The following SNTG1 variants were observed in gnomAD, a reference collection of about 807,000 sequenced individuals.
SNTG1 encodes the protein gamma-1-syntrophin.
A neutral mutation model predicts 74.7 loss-of-function variants in SNTG1; 39 were observed. The ratio of observed to expected loss-of-function variants is 0.52; its 90% CI spans 0.40 to 0.68. SNTG1 has a LOEUF of 0.68. Ranked by LOEUF, SNTG1 falls within the 30% of genes least tolerant of loss-of-function variation. The pLI is 0.00. For missense variants in SNTG1, 685 were observed against 609.5 expected (o/e 1.12, Z -1.30); for synonymous variants, 254 against 217.1 (o/e 1.17, Z -1.49).
chr8:50,249,435 C>A (rs1563797238), intron 2 of SNTG1, among the ~76,000 whole-genome samples: 1 of 152,236 alleles, frequency 6.6e-6, no homozygotes, highest in South Asian at 2.1e-4. Context: ...GGGGCAGCCC[C>A]TGGACTCACA....
intron 2 of SNTG1, among the ~76,000 whole-genome samples, chr8:50,198,557 G>A (rs2083866525): frequency 6.6e-6 from 1 of 152,190 alleles, no homozygotes; most frequent in Non-Finnish European, 1.5e-5. Context: ...TGTGACAGGT[G>A]ACAGACACTC....
chr8:49,918,300 G>A (rs538770377), intron 1 of SNTG1, among the ~76,000 whole-genome samples: 1 of 152,258 alleles, frequency 6.6e-6, no homozygotes, highest in Admixed American at 6.5e-5. Flanking sequence ...AATGAAGATA[G>A]GTCAATAATA....
intron 4 of SNTG1, among the ~76,000 whole-genome samples, chr8:50,413,149 C>T (rs775450994): frequency 1.8e-4 from 27 of 152,120 alleles, no homozygotes; most frequent in Non-Finnish European, 3.7e-4. Context: ...TCATTATTTA[C>T]ACAAATGAAT....
At position 50,427,587 on chromosome 8, in the gene SNTG1, A is replaced by C. The variant is rs556010466; in HGVS notation, c.163-10956A>C. 5.9e-5 allele frequency among the ~76,000 whole-genome samples: 9 copies of C among 152,126 alleles called. No individual in the cohort carries two copies. The East Asian group carries it at 7.7e-4, about 13-fold the overall frequency. On this transcript the variant is annotated intron_variant, in intron 4 of 18. Coordinates refer to ENST00000642720, the MANE Select transcript of SNTG1 (RefSeq NM_018967.5). Reference sequence around the variant, plus strand: ...CCTACAGGTGCATACCACCATGCTTAGCTAAGCTTTTTTATCTTTTGTAGA... The same window carrying C: ...CCTACAGGTGCATACCACCATGCTTCGCTAAGCTTTTTTATCTTTTGTAGA...
intron 9 of SNTG1, among the ~76,000 whole-genome samples, chr8:50,519,284 G>A (rs2094159703): frequency 6.6e-6 from 1 of 152,092 alleles, no homozygotes; most frequent in African/African-American, 2.4e-5. Context: ...CAATAAACTA[G>A]GTATTGATGG....
intron 1 of SNTG1, among the ~76,000 whole-genome samples, chr8:50,133,146 C>A (rs1327689142): frequency 1.3e-5 from 2 of 152,180 alleles, no homozygotes; most frequent in Non-Finnish European, 2.9e-5. Context: ...ATAACCTCAG[C>A]TAAATGTTCA....
At chr8:50,392,226 A>T (rs2092672004) in intron 2 of SNTG1, among the ~76,000 whole-genome samples, 1 of 152,226 alleles carries the variant, frequency 6.6e-6, no homozygotes, top group Admixed American at 6.5e-5. Flanking sequence ...AGAAAAAATT[A>T]CAACAATTGT....
At chr8:50,438,726 G>A (rs2093330212) in intron 5 of SNTG1, 127 bp downstream of exon 5, 8 of 682,998 alleles carry the variant, frequency 1.2e-5, no homozygotes, top group East Asian at 2.9e-5. Context: ...ATATTTGGAC[G>A]GGGATGTAAA....
At chr8:50,448,618 T>C (rs2093427247) in intron 5 of SNTG1, among the ~76,000 whole-genome samples, 1 of 152,236 alleles carries the variant, frequency 6.6e-6, no homozygotes, top group Non-Finnish European at 1.5e-5. Context: ...TTTAACCTTC[T>C]CAACTCTGTA....
chr8:50,011,430 T>G (rs1419199176), intron 1 of SNTG1, among the ~76,000 whole-genome samples: 1 of 152,212 alleles, frequency 6.6e-6, no homozygotes, highest in African/African-American at 2.4e-5. Flanking sequence ...CAAATATTTT[T>G]AACTTTTATC....
At chr8:49,913,380 T>C (rs1805744021) in intron 1 of SNTG1, among the ~76,000 whole-genome samples, 2 of 152,272 alleles carry the variant, frequency 1.3e-5, no homozygotes, top group Admixed American at 1.3e-4. Context: ...TGCATATCTA[T>C]ACGTACCTTC....
intron 5 of SNTG1, among the ~76,000 whole-genome samples, chr8:50,445,795 A>G (rs2093401429): frequency 6.6e-6 from 1 of 152,194 alleles, no homozygotes; most frequent in Non-Finnish European, 1.5e-5. Flanking sequence ...GAAGATGGTG[A>G]TGAAAGCCTT....
intron 15 of SNTG1, among the ~76,000 whole-genome samples, chr8:50,696,730 A>T (rs1408641379): frequency 6.6e-6 from 1 of 151,996 alleles, no homozygotes; most frequent in African/African-American, 2.4e-5. Flanking sequence ...ACTTTGACAA[A>T]GTTCACTTGG....
intron 1 of SNTG1, among the ~76,000 whole-genome samples, chr8:50,153,004 C>A (rs755417848): frequency 6.6e-6 from 1 of 152,154 alleles, no homozygotes; most frequent in Non-Finnish European, 1.5e-5. Flanking sequence ...GAGTGTTTTC[C>A]AACTTGGTTC....
intron 15 of SNTG1, among the ~76,000 whole-genome samples, chr8:50,685,135 A>G (rs1183391754): frequency 6.6e-6 from 1 of 152,168 alleles, no homozygotes; most frequent in Non-Finnish European, 1.5e-5. Context: ...TAAGGATGCT[A>G]TAAACAAAGG....
chr8:50,369,601 A>C (rs1197867483), intron 2 of SNTG1, among the ~76,000 whole-genome samples: 1 of 142,362 alleles, frequency 7.0e-6, no homozygotes, highest in Non-Finnish European at 1.5e-5. Flanking sequence ...CGTCCCAAAA[A>C]GAAAAAAAAA....
rs199674674 is a variant in SNTG1 at position 50,185,831 on chromosome 8, A to AT, written c.-28+13205dup. Among the ~76,000 whole-genome samples the AT allele has an allele frequency of 1.8e-3, 263 of 150,022 alleles. 2 individuals carry two copies. Among genetic ancestry groups the AT allele is most frequent in the African/African-American group, 5.7e-3 (232 of 40,762 alleles). On this transcript the variant is annotated intron_variant, in intron 2 of 18. Coordinates refer to ENST00000642720, the MANE Select transcript of SNTG1 (RefSeq NM_018967.5). ...AACACTATTGTTTTTTATTTTATTTATTTTTTTTTAATTTTACTTTAACTT... is the reference window on the plus strand; with the variant it reads ...AACACTATTGTTTTTTATTTTATTTATTTTTTTTTTAATTTTACTTTAACTT...
At chr8:50,207,253 T>A (rs559586713) in intron 2 of SNTG1, among the ~76,000 whole-genome samples, 1 of 152,198 alleles carries the variant, frequency 6.6e-6, no homozygotes, top group Non-Finnish European at 1.5e-5. Flanking sequence ...AGCCTGTTAT[T>A]GGTCTATTCA....
chr8:50,096,295 A>C (rs2079925680), intron 1 of SNTG1, among the ~76,000 whole-genome samples: 1 of 152,188 alleles, frequency 6.6e-6, no homozygotes. Context: ...AGAGTTCAGC[A>C]CTTTTTAAAT....
Sources: gnomAD v4.1 joint callset for allele counts (sites outside exome capture counted in the v4.1 genomes callset) on GRCh38, gnomAD v4.1.1 for gene constraint, MANE v1.5 for transcripts, NCBI Gene and HGNC (gene_info 2026-07-23, HGNC 2026-07-21) for gene names.